The following LST1 variants were observed in gnomAD, a reference collection of about 807,000 sequenced individuals.
The protein encoded by LST1 is leukocyte specific transcript 1.
Under a neutral mutation model 8.5 loss-of-function variants are expected in LST1, and 9 were observed. The observed-to-expected ratio is 1.06, with a 90% CI of 0.64 to 1.85. The LOEUF (loss-of-function observed/expected upper bound fraction) is 1.85, where lower values mean the gene tolerates loss of function less well. LST1 is among the 40% of genes most tolerant of loss of function. The pLI is 0.00. For synonymous variants in LST1, 53 were observed against 50.4 expected (o/e 1.05, Z -0.21); for missense variants, 121 against 117.1 (o/e 1.03, Z -0.16).
Position 31,588,589 on chromosome 6 carries a change from A to G in LST1, c.207A>G (p.Gly69=), listed in dbSNP as rs774319920. The G allele has an allele frequency of 3.7e-6, 6 of 1,612,992 alleles. No individual in the cohort carries two copies. The African/African-American group carries it at 5.3e-5, about 14-fold the overall frequency. ...GGCTGCCAGTGCCCAGCAGTGAGGG[A>G]CCTGACCTCAGGGGCAGAGACAAGA... The part of the protein sequence containing the change: ...LQRLPVPSSE[G]PDLRGRDKRG... Residue 69 remains glycine (G), a synonymous_variant, in exon 5 of 5, where the codon GGA becomes GGG. Coordinates refer to ENST00000438075, the MANE Select transcript of LST1 (RefSeq NM_205839.3).
At position 31,587,727 on chromosome 6, in the gene LST1, C is replaced by A. The variant is rs1332388114; in HGVS notation, c.106C>A (p.Arg36=). 2 of 1,597,446 alleles carry A rather than the reference C, an allele frequency of 1.3e-6. No individual in the cohort carries two copies. Among genetic ancestry groups the A allele is most frequent in the Non-Finnish European group, 1.7e-6 (2 of 1,172,604 alleles). ...LLSACLCWLH[R]RVKRLERSWA... ...GTCCGCCTGCCTGTGTTGGCTGCATCGAAGAGGTGAGCGCTGCACTCCCTC... is the reference window on the plus strand; with the variant it reads ...GTCCGCCTGCCTGTGTTGGCTGCATAGAAGAGGTGAGCGCTGCACTCCCTC... Residue 36 remains arginine (R), a synonymous_variant, in exon 3 of 5, where the codon CGA becomes AGA. Transcript: ENST00000438075.
At chr6:31,588,431 G>T in intron 4 of LST1, 87 bp from the exon 5 acceptor site, 11 of 1,337,222 alleles carry the variant, frequency 8.2e-6, no homozygotes, top group African/African-American at 1.5e-5. Flanking sequence ...AGGGAGAGAA[G>T]TAAGAAAGGC....
chr6:31,588,162 C>T, intron 4 of LST1, 196 bp downstream of exon 4: 1 of 581,752 alleles, frequency 1.7e-6, no homozygotes, highest in Non-Finnish European at 3.0e-6. Context: ...AAAAGTGAGA[C>T]AGAGGATAGG....
At chr6:31,588,422 G>T in intron 4 of LST1, 96 bp from the exon 5 acceptor site, 1 of 1,296,012 alleles carries the variant, frequency 7.7e-7, no homozygotes, top group Non-Finnish European at 1.1e-6. Context: ...GAGAGAGAGA[G>T]GGAGAGAAGT....
At chr6:31,587,400 C>G (rs879014579) in intron 2 of LST1, 82 bp downstream of exon 2, 3 of 1,506,122 alleles carry the variant, frequency 2.0e-6, no homozygotes, top group Non-Finnish European at 9.2e-7. Flanking sequence ...GTATGCAGCT[C>G]ATGACTAGGT....
chr6:31,588,387 A>G (rs1450427744), intron 4 of LST1, 131 bp from the exon 5 acceptor site: 1 of 860,168 alleles, frequency 1.2e-6, no homozygotes, highest in Non-Finnish European at 1.8e-6. Flanking sequence ...AGAGAGAGAG[A>G]GAGAGAGAGA....
chr6:31,588,402 GGGA>G (rs1772239164), intron 4 of LST1, 113 bp from the exon 5 acceptor site: 50 of 845,020 alleles, frequency 5.9e-5, no homozygotes, highest in South Asian at 7.5e-5. Flanking sequence ...GAGAGAGAGA[GGGA>G]GAGAGAGAGA....
At position 31,588,841 on chromosome 6, in the gene LST1, T is replaced by C. The variant is rs1413818253; in HGVS notation, c.*165T>C. On this transcript the variant is annotated 3_prime_UTR_variant, in exon 5 of 5. Coordinates refer to ENST00000438075, the MANE Select transcript of LST1 (RefSeq NM_205839.3). ...AAAACTTATGTGGCTTTTTGACCTT[T>C]GAATAGGGAATTTTTTAAATTTTTT... is the stretch of plus-strand genomic sequence containing the variant. 5 of 910,484 alleles carry C rather than the reference T, an allele frequency of 5.5e-6. No homozygotes were observed. Among genetic ancestry groups the C allele is most frequent in the Non-Finnish European group, 8.4e-6 (5 of 598,098 alleles). 56.4% of individuals were successfully genotyped at this position (910,484 alleles called of 1,614,324 possible).
chr6:31,586,412 T>C (rs1771934793), intron 1 of LST1, 97 bp downstream of exon 1: 1 of 152,072 alleles, frequency 6.6e-6, no homozygotes, highest in Non-Finnish European at 1.5e-5. Flanking sequence ...GGGTTTGAGT[T>C]TCCCTGGGCC....
At position 31,588,788 on chromosome 6, in the gene LST1, C is replaced by A; in HGVS notation, c.*112C>A. On this transcript the variant is annotated 3_prime_UTR_variant, in exon 5 of 5. Transcript: ENST00000438075. ...GTGTCTCAGTCCTCTCAGTCCATCT[C>A]GAGCCTCCGTTCAAATTGATCATCA... is the stretch of plus-strand genomic sequence containing the variant. 1 of 1,229,114 alleles carries A rather than the reference C, an allele frequency of 8.1e-7. No homozygotes were observed. The highest frequency in any genetic ancestry group is 1.2e-5 in the South Asian group (1 of 82,446). The allele number at this position is 1,229,114 out of a possible 1,614,324, so 76.1% of individuals were successfully genotyped here.
chr6:31,587,090 T>C (rs1173738866), intron 1 of LST1, 110 bp from the exon 2 acceptor site: 15 of 613,438 alleles, frequency 2.4e-5, no homozygotes, highest in Non-Finnish European at 3.8e-5. Flanking sequence ...TGATACCCTA[T>C]GTTCTGGGGA....
Position 31,587,309 on chromosome 6 carries a change from C to T in LST1, c.10C>T (p.Arg4Trp), listed in dbSNP as rs550132083. 54 of 1,612,822 alleles carry T rather than the reference C, an allele frequency of 3.3e-5. No individual in the cohort carries two copies. Among genetic ancestry groups the T allele is most frequent in the South Asian group, 9.9e-5 (9 of 91,058 alleles). The stretch of plus-strand genomic sequence containing the variant: ...CCTGATCCCTGACCTAATGTTATCG[C>T]GGAATGATGGTAAGTAAAGTGTCTC... MLS[R>W]NDDICIYGGL... The change falls in exon 2 of 5, where the codon CGG (arginine) becomes TGG (tryptophan). Residue 4 changes from arginine to tryptophan, a missense_variant. Coordinates refer to ENST00000438075, the MANE Select transcript of LST1 (RefSeq NM_205839.3).
intron 4 of LST1, 53 bp from the exon 5 acceptor site, chr6:31,588,465 G>A: frequency 6.5e-7 from 1 of 1,545,206 alleles, no homozygotes; most frequent in Non-Finnish European, 8.8e-7. Flanking sequence ...AGAACTCACA[G>A]GGAAGGATCT....
intron 2 of LST1, 59 bp downstream of exon 2, chr6:31,587,377 G>A (rs926865534): frequency 6.3e-7 from 1 of 1,588,738 alleles, no homozygotes; most frequent in African/African-American, 1.3e-5. Flanking sequence ...AGGAAGTGAT[G>A]GGGAACAGTG....
intron 1 of LST1, 145 bp from the exon 2 acceptor site, chr6:31,587,055 G>T (rs1771998133): frequency 5.1e-6 from 3 of 590,712 alleles, no homozygotes; most frequent in South Asian, 4.2e-5. Flanking sequence ...TGAATCTCGG[G>T]TCTTTACTTG....
At chr6:31,588,374 AAGAGAGAGAGAGAG>A in intron 4 of LST1, 130 bp from the exon 5 acceptor site, 2 of 626,338 alleles carry the variant, frequency 3.2e-6, no homozygotes, top group South Asian at 4.2e-5. Context: ...CCAAAGAAAA[AAGAGAGAGAGAGAG>A]AGAGAGAGAG....
chr6:31,586,936 C>T (rs879764426), intron 1 of LST1: 1 of 343,828 alleles, frequency 2.9e-6, no homozygotes. Context: ...CTCCAAACCA[C>T]GTGGTCAGCC....
At chr6:31,587,807 C>T in intron 3 of LST1, 74 bp downstream of exon 3, 1 of 1,503,638 alleles carries the variant, frequency 6.7e-7, no homozygotes, top group Non-Finnish European at 9.0e-7. Context: ...TTTCCCACTG[C>T]TTTCCCAGAA....
chr6:31,587,854 G>A lies in LST1; in HGVS notation c.113-90G>A, dbSNP rs1772119286. The A allele has an allele frequency of 7.1e-6, 11 of 1,559,648 alleles. No homozygotes were observed. In the South Asian group the frequency reaches 1.2e-4, roughly 17 times the overall value. On this transcript the variant is annotated intron_variant, in intron 3 of 4. Coordinates refer to ENST00000438075, the MANE Select transcript of LST1 (RefSeq NM_205839.3). Reference sequence around the variant, plus strand: ...CCTGGAGCCACTGGGAAGCCAACAGGGGAGTCCACGCCTGCTGGTGGGGGG... The same window carrying A: ...CCTGGAGCCACTGGGAAGCCAACAGAGGAGTCCACGCCTGCTGGTGGGGGG...
Sources: gnomAD v4.1 joint callset for allele counts on GRCh38, gnomAD v4.1.1 for gene constraint, MANE v1.5 for transcripts, NCBI Gene and HGNC (gene_info 2026-07-23, HGNC 2026-07-21) for gene names.